CYP2C18: variants seen among roughly 807,000 people sequenced by gnomAD.
CYP2C18 encodes cytochrome P450 2C18.
A neutral mutation model predicts 41.3 loss-of-function variants in CYP2C18; 38 were observed. The observed-to-expected ratio is 0.92, with a 90% CI of 0.71 to 1.21. The LOEUF (loss-of-function observed/expected upper bound fraction) is 1.21, where lower values mean the gene tolerates loss of function less well. Among genes scored for constraint, CYP2C18 ranks in the 50% most tolerant of loss-of-function variants. The pLI is 0.00. For missense variants in CYP2C18, 635 were observed against 591.4 expected (o/e 1.07, Z -0.77); for synonymous variants, 236 against 210.0 (o/e 1.12, Z -1.07).
chr10:94,685,155 C>T (rs1846862572), intron 1 of CYP2C18, among the ~76,000 whole-genome samples: 1 of 151,822 alleles, frequency 6.6e-6, no homozygotes, highest in South Asian at 2.1e-4. Flanking sequence ...TACCTTAGAC[C>T]CCCAAGTAGC....
chr10:94,717,542 A>C (rs991477991), intron 5 of CYP2C18, among the ~76,000 whole-genome samples: 10 of 151,932 alleles, frequency 6.6e-5, no homozygotes, highest in African/African-American at 1.9e-4. Flanking sequence ...TGCCCAGATC[A>C]ATGTCCTGTA....
chr10:94,707,531 T>C (rs1847365261), intron 5 of CYP2C18, among the ~76,000 whole-genome samples: 1 of 152,082 alleles, frequency 6.6e-6, no homozygotes, highest in Non-Finnish European at 1.5e-5. Flanking sequence ...AATGCTGGCA[T>C]GGAGAGTTTT....
Position 94,733,321 on chromosome 10 carries a change from A to G in CYP2C18, c.1174A>G (p.Thr392Ala), listed in dbSNP as rs913618478. ...GGGCACGACCATAATAACATCCCTG[A>G]CTTCTGTGCTGCACAATGACAAAGA... The part of the protein sequence containing the change: ...PKGTTIITSL[T>A]SVLHNDKEFP... Residue 392 changes from threonine to alanine, a missense_variant, in exon 8 of 9, where the codon ACT (threonine) becomes GCT (alanine). Thr to Ala is a moderately conservative substitution (Grantham distance 58, BLOSUM62 0). Coordinates refer to ENST00000285979, the MANE Select transcript of CYP2C18 (RefSeq NM_000772.3). 5 of 1,612,988 alleles carry G rather than the reference A, an allele frequency of 3.1e-6. No homozygotes were observed. Among genetic ancestry groups the G allele is most frequent in the African/African-American group, 1.3e-5 (1 of 74,952 alleles).
chr10:94,703,934 A>G (rs576036270), intron 4 of CYP2C18, among the ~76,000 whole-genome samples: 44 of 152,170 alleles, frequency 2.9e-4, no homozygotes, highest in Non-Finnish European at 5.3e-4. Flanking sequence ...AAATTGTAGT[A>G]TCTGGGCTGG....
chr10:94,691,527 C>T (rs1404650141), intron 3 of CYP2C18, among the ~76,000 whole-genome samples: 1 of 151,994 alleles, frequency 6.6e-6, no homozygotes, highest in South Asian at 2.1e-4. Flanking sequence ...TAAAAGAGGA[C>T]ACAAACAAAT....
rs1022455272 is a variant in CYP2C18 at position 94,719,397 on chromosome 10, C to T, written c.820-999C>T. On this transcript the variant is annotated intron_variant, in intron 5 of 8. Transcript: ENST00000285979. ...TGATCCCCACGCTTACAACATGAACCTTCATCTTGATTATTTTTTTTTTTG... is the reference window on the plus strand; with the variant it reads ...TGATCCCCACGCTTACAACATGAACTTTCATCTTGATTATTTTTTTTTTTG... Among the ~76,000 whole-genome samples, 8 of 151,544 alleles carry T rather than the reference C, an allele frequency of 5.3e-5. No homozygotes were observed. The East Asian group carries it at 9.8e-4, about 19-fold the overall frequency.
At chr10:94,731,887 A>G (rs1847840368) in intron 7 of CYP2C18, among the ~76,000 whole-genome samples, 2 of 152,288 alleles carry the variant, frequency 1.3e-5, no homozygotes, top group South Asian at 4.1e-4. Flanking sequence ...AGGAAACACC[A>G]TCCTGGGCAT....
intron 3 of CYP2C18, among the ~76,000 whole-genome samples, chr10:94,693,027 G>C (rs1318878325): frequency 6.6e-6 from 1 of 152,064 alleles, no homozygotes; most frequent in Non-Finnish European, 1.5e-5. Context: ...GTGGGGGAAG[G>C]GGGGAGGGAT....
rs764286783 is a variant in CYP2C18, at chr10:94,706,937, T to C, written c.796T>C (p.Cys266Arg). Residue 266 changes from cysteine (C) to arginine (R), a missense_variant, in exon 5 of 9, where the codon TGT becomes CGT. Coordinates refer to ENST00000285979, the MANE Select transcript of CYP2C18 (RefSeq NM_000772.3). ...DMNSARDFID[C>R]FLIKMEQEKH... Reference sequence around the variant, plus strand: ...GAACAGTGCTCGGGACTTTATTGATTGTTTCCTGATCAAAATGGAACAGGT... The same window carrying C: ...GAACAGTGCTCGGGACTTTATTGATCGTTTCCTGATCAAAATGGAACAGGT... 119 of 1,607,690 alleles carry C rather than the reference T, an allele frequency of 7.4e-5. No individual in the cohort carries two copies. Among genetic ancestry groups the C allele is most frequent in the Non-Finnish European group, 9.4e-5 (111 of 1,178,308 alleles).
At chr10:94,694,685 G>A (rs753103679) in intron 3 of CYP2C18, among the ~76,000 whole-genome samples, 3 of 152,036 alleles carry the variant, frequency 2.0e-5, no homozygotes, top group South Asian at 2.1e-4. Flanking sequence ...AAGGCAGTGC[G>A]GTAAATGCAG....
intron 7 of CYP2C18, among the ~76,000 whole-genome samples, chr10:94,729,217 G>A (rs773605448): frequency 6.6e-6 from 1 of 152,112 alleles, no homozygotes; most frequent in Non-Finnish European, 1.5e-5. Context: ...GAAAATATAG[G>A]CAATGGCTGC....
chr10:94,732,523 T>C (rs1019437462), intron 7 of CYP2C18, among the ~76,000 whole-genome samples: 2 of 152,112 alleles, frequency 1.3e-5, no homozygotes, highest in African/African-American at 4.8e-5. Context: ...TGTGAACTTG[T>C]ATATTCATTA....
intron 3 of CYP2C18, among the ~76,000 whole-genome samples, chr10:94,688,861 A>G (rs1846945656): frequency 6.6e-6 from 1 of 152,228 alleles, no homozygotes; most frequent in Non-Finnish European, 1.5e-5. Flanking sequence ...TTCACCAGGA[A>G]TACTTGTGGC....
chr10:94,714,492 G>T (rs977656909), intron 5 of CYP2C18, among the ~76,000 whole-genome samples: 27 of 152,228 alleles, frequency 1.8e-4, no homozygotes, highest in Non-Finnish European at 2.9e-4. Context: ...GGTTGTAGAT[G>T]TGCGGTATTA....
At chr10:94,715,498 A>G (rs2134197912) in intron 5 of CYP2C18, among the ~76,000 whole-genome samples, 1 of 152,286 alleles carries the variant, frequency 6.6e-6, no homozygotes, top group South Asian at 2.1e-4. Context: ...TGATTTGCAT[A>G]TATTGAACCA....
In CYP2C18 at chr10:94,703,911, G is replaced by A. The variant is rs546797667; in HGVS notation, c.643-2873G>A. 5.9e-5 allele frequency among the ~76,000 whole-genome samples: 9 copies of A among 152,326 alleles called. No homozygotes were observed. The South Asian group carries it at 1.4e-3, about 25-fold the overall frequency. On this transcript the variant is annotated intron_variant, in intron 4 of 8. Transcript: ENST00000285979. The stretch of plus-strand genomic sequence containing the variant: ...TAGTTTGTGGGTTGCGACAGGTTGC[G>A]AAGACCGTGGGAAAATTGTAGTATC...
chr10:94,710,747 T>C (rs1847421756), intron 5 of CYP2C18, among the ~76,000 whole-genome samples: 1 of 152,208 alleles, frequency 6.6e-6, no homozygotes, highest in South Asian at 2.1e-4. Context: ...CCAATGGGCA[T>C]GATGACCTTT....
intron 5 of CYP2C18, among the ~76,000 whole-genome samples, 159 bp downstream of exon 5, chr10:94,707,119 T>G (rs890812452): frequency 9.8e-5 from 1 of 10,172 alleles, no homozygotes; most frequent in Middle Eastern, 0.083. Context: ...ATTGAATTGT[T>G]AAACAATTAT....
chr10:94,733,162 T>C lies in CYP2C18; in HGVS notation c.1150-135T>C, dbSNP rs1847862938. The C allele has an allele frequency of 8.7e-6, 7 of 804,810 alleles. No homozygotes were observed. The South Asian group carries it at 1.3e-4, about 15-fold the overall frequency. 49.9% of individuals were successfully genotyped at this position (804,810 alleles called of 1,614,324 possible). ...CATACTGCTTCTTACTAGGTCTGTC[T>C]GGGTGGGAATGTAACTTCTTTGGAC... On this transcript the variant is annotated intron_variant, in intron 7 of 8. Coordinates refer to ENST00000285979, the MANE Select transcript of CYP2C18 (RefSeq NM_000772.3).
Sources: allele counts gnomAD v4.1 joint callset (sites outside exome capture counted in the v4.1 genomes callset), GRCh38; gene constraint gnomAD v4.1.1; transcripts MANE v1.5; gene names NCBI Gene and HGNC (gene_info 2026-07-23, HGNC 2026-07-21).